PLEKHA7: variants seen among roughly 807,000 people sequenced by gnomAD.
PLEKHA7 encodes pleckstrin homology domain containing A7.
A neutral mutation model predicts 170.0 loss-of-function variants in PLEKHA7; 104 were observed. The ratio of observed to expected loss-of-function variants is 0.61; its 90% CI spans 0.52 to 0.72. The LOEUF is 0.72. PLEKHA7 is among the 30% of genes least tolerant of loss of function. The pLI is 0.00. For missense variants in PLEKHA7, 1,615 were observed against 1,671.7 expected, an observed-to-expected ratio of 0.97 and a Z score of 0.59; for synonymous variants, 648 against 660.8, an observed-to-expected ratio of 0.98 and a Z score of 0.30.
intron 3 of PLEKHA7, among the ~76,000 whole-genome samples, chr11:17,011,569 G>T (rs567445143): frequency 6.6e-6 from 1 of 152,138 alleles, no homozygotes; most frequent in East Asian, 1.9e-4. Context: ...AGGCTTCTGT[G>T]ACCATGCATT....
intron 3 of PLEKHA7, among the ~76,000 whole-genome samples, chr11:16,999,051 T>C (rs887964589): frequency 1.3e-5 from 2 of 152,128 alleles, no homozygotes; most frequent in African/African-American, 4.8e-5. Context: ...CACACCTATT[T>C]GGCTGAGCAC....
chr11:16,909,883 CG>C (rs1858125360), intron 3 of PLEKHA7, among the ~76,000 whole-genome samples: 1 of 152,070 alleles, frequency 6.6e-6, no homozygotes, highest in Non-Finnish European at 1.5e-5. Flanking sequence ...GACAGCCCTT[CG>C]GAAACCTCAC....
At chr11:16,843,242 T>C (rs1301537233) in intron 8 of PLEKHA7, among the ~76,000 whole-genome samples, 1 of 152,252 alleles carries the variant, frequency 6.6e-6, no homozygotes, top group Non-Finnish European at 1.5e-5. Flanking sequence ...CACAGATAAC[T>C]GGTTCAATAC....
chr11:16,778,338 G>C lies in PLEKHA7; in HGVS notation c.*660C>G, dbSNP rs1483276007. On this transcript the variant is annotated 3_prime_UTR_variant, in exon 27 of 27. Coordinates refer to ENST00000531066, the MANE Select transcript of PLEKHA7 (RefSeq NM_001329630.2). Reference sequence around the variant, plus strand: ...AGAGCCTTTTGCTGGAGGAAGCCTGGGGGCAGGTTGTGGGCCCCAGTCCTC... The same window carrying C: ...AGAGCCTTTTGCTGGAGGAAGCCTGCGGGCAGGTTGTGGGCCCCAGTCCTC... The C allele has an allele frequency of 6.6e-6, 1 of 152,416 alleles. No homozygotes were observed. Among genetic ancestry groups the C allele is most frequent in the African/African-American group, 2.4e-5 (1 of 41,546 alleles). 9.4% of individuals were successfully genotyped at this position (152,416 alleles called of 1,614,324 possible).
At position 16,783,717 on chromosome 11, in the gene PLEKHA7, G is replaced by A. The variant is rs1399270290; in HGVS notation, c.3633C>T (p.Asn1211=). ...ARYRKAEKIR[N]ILARSSMCNL... ...GGGCTGACCTTGACCGGGCGAGGAT[G>A]TTGCGGATCTTCTCGGCTTTGCGGT... The change falls in exon 25 of 27, where the codon AAC becomes AAT. Residue 1211 remains asparagine (N), a synonymous_variant. Transcript: ENST00000531066. The A allele has an allele frequency of 2.0e-6, 3 of 1,474,906 alleles. No homozygotes were observed. Among genetic ancestry groups the A allele is most frequent in the Non-Finnish European group, 2.7e-6 (3 of 1,117,056 alleles). The allele number at this position is 1,474,906 out of a possible 1,614,324, so 91.4% of individuals were successfully genotyped here.
At chr11:16,836,574 C>A (rs1851525744) in intron 9 of PLEKHA7, among the ~76,000 whole-genome samples, 1 of 152,176 alleles carries the variant, frequency 6.6e-6, no homozygotes, top group South Asian at 2.1e-4. Flanking sequence ...AGGCAAAACA[C>A]CAAACTGGAA....
intron 3 of PLEKHA7, among the ~76,000 whole-genome samples, chr11:16,925,569 C>A (rs1007637208): frequency 6.6e-6 from 1 of 152,200 alleles, no homozygotes; most frequent in Non-Finnish European, 1.5e-5. Context: ...CCCAGCGTGG[C>A]GGGGCACGCG....
rs908748714 is a variant in PLEKHA7 at position 16,783,690 on chromosome 11, G to A, written c.3650+10C>T. 30 of 1,428,804 alleles carry A rather than the reference G, an allele frequency of 2.1e-5. No individual in the cohort carries two copies. Among genetic ancestry groups the A allele is most frequent in the Admixed American group, 7.9e-5 (3 of 38,082 alleles). The allele number at this position is 1,428,804 out of a possible 1,614,324, so 88.5% of individuals were successfully genotyped here. A position where few individuals can be genotyped will look rare whatever the true frequency, so the allele number is the denominator to read the frequency against. On this transcript the variant is annotated intron_variant, in intron 25 of 26. Coordinates refer to ENST00000531066, the MANE Select transcript of PLEKHA7 (RefSeq NM_001329630.2). Reference sequence around the variant, plus strand: ...GTGACCTGCCAACACTTGAGCAAGCGAGGGCTGACCTTGACCGGGCGAGGA... The same window carrying A: ...GTGACCTGCCAACACTTGAGCAAGCAAGGGCTGACCTTGACCGGGCGAGGA...
chr11:16,931,138 A>G (rs1319718534), intron 3 of PLEKHA7, among the ~76,000 whole-genome samples: 1 of 152,180 alleles, frequency 6.6e-6, no homozygotes, highest in African/African-American at 2.4e-5. Context: ...AAATCACAAA[A>G]CACCTAATAA....
chr11:16,854,094 CT>C (rs1420675328), intron 6 of PLEKHA7, among the ~76,000 whole-genome samples: 1 of 152,200 alleles, frequency 6.6e-6, no homozygotes, highest in Non-Finnish European at 1.5e-5. Flanking sequence ...GATACTTGCT[CT>C]TAGCAACTTA....
At chr11:16,919,562 C>G (rs1858935092) in intron 3 of PLEKHA7, among the ~76,000 whole-genome samples, 1 of 151,946 alleles carries the variant, frequency 6.6e-6, no homozygotes, top group Non-Finnish European at 1.5e-5. Flanking sequence ...GTAGTCCTAT[C>G]TTCTTGGGGG....
At chr11:16,934,423 A>G (rs1300671881) in intron 3 of PLEKHA7, among the ~76,000 whole-genome samples, 4 of 152,082 alleles carry the variant, frequency 2.6e-5, no homozygotes, top group African/African-American at 9.7e-5. Context: ...AAAAAAAGCA[A>G]TTTTCAAAGT....
intron 3 of PLEKHA7, among the ~76,000 whole-genome samples, chr11:16,937,888 G>A (rs1473729799): frequency 6.6e-6 from 1 of 152,148 alleles, no homozygotes; most frequent in East Asian, 1.9e-4. Context: ...GATTACAGGT[G>A]TGAGCCACAG....
intron 3 of PLEKHA7, among the ~76,000 whole-genome samples, chr11:16,876,059 A>C (rs1419278762): frequency 6.6e-6 from 1 of 152,118 alleles, no homozygotes; most frequent in African/African-American, 2.4e-5. Flanking sequence ...TGGCTCCCCA[A>C]ACCCATTTGG....
chr11:16,874,540 A>C (rs1287131755), intron 3 of PLEKHA7, among the ~76,000 whole-genome samples: 1 of 152,166 alleles, frequency 6.6e-6, no homozygotes, highest in Non-Finnish European at 1.5e-5. Context: ...TAAGACTGGA[A>C]CATGACTCCA....
chr11:16,870,125 G>A (rs1854709895), intron 4 of PLEKHA7, among the ~76,000 whole-genome samples: 1 of 152,150 alleles, frequency 6.6e-6, no homozygotes, highest in African/African-American at 2.4e-5. Context: ...TGAGAGCCCT[G>A]CTGAAACTGA....
chr11:16,940,040 C>T (rs1037051300), intron 3 of PLEKHA7, among the ~76,000 whole-genome samples: 1 of 152,106 alleles, frequency 6.6e-6, no homozygotes, highest in East Asian at 1.9e-4. Context: ...GCCACTGGTG[C>T]TGGGGGCAAG....
chr11:16,956,172 C>T (rs556105741), intron 3 of PLEKHA7, among the ~76,000 whole-genome samples: 13 of 152,228 alleles, frequency 8.5e-5, no homozygotes, highest in African/African-American at 3.1e-4. Context: ...TGTGTGTGTA[C>T]ACATACGTAC....
intron 3 of PLEKHA7, among the ~76,000 whole-genome samples, chr11:16,910,463 G>A (rs772525847): frequency 3.3e-5 from 5 of 152,172 alleles, no homozygotes; most frequent in Admixed American, 1.3e-4. Flanking sequence ...GCTTATTAGC[G>A]AAGCTGGGAA....
Sources: gnomAD v4.1 joint callset for allele counts (sites outside exome capture counted in the v4.1 genomes callset) on GRCh38, gnomAD v4.1.1 for gene constraint, MANE v1.5 for transcripts, NCBI Gene and HGNC (gene_info 2026-07-23, HGNC 2026-07-21) for gene names.